Variants in CNTN5 observed in about 807,000 individuals in gnomAD.
The protein encoded by CNTN5 is contactin-5.
Under a neutral mutation model 129.1 loss-of-function variants are expected in CNTN5, and 77 were observed. That is an observed-to-expected ratio of 0.60 (90% CI 0.50 to 0.72). The LOEUF (loss-of-function observed/expected upper bound fraction) is 0.72. Among genes scored for constraint, CNTN5 ranks in the 30% least tolerant of loss-of-function variants. The pLI, the probability that CNTN5 is intolerant of heterozygous loss-of-function variation, is 0.00. For synonymous variants in CNTN5, 509 were observed against 465.6 expected, an observed-to-expected ratio of 1.09 and a Z score of -1.20; for missense variants, 1,478 against 1,328.8, an observed-to-expected ratio of 1.11 and a Z score of -1.75.
Position 99,673,971 on chromosome 11 carries a change from C to A in CNTN5, c.55+117702C>A, listed in dbSNP as rs372239740. Among the ~76,000 whole-genome samples the A allele has an allele frequency of 1.8e-4, 27 of 152,182 alleles. No homozygotes were observed. In the East Asian group the frequency reaches 3.1e-3, roughly 17 times the overall value. The stretch of plus-strand genomic sequence containing the variant: ...AATTTATATTCCTTTGGGTATATAT[C>A]CAATAATGGGCTTGCTGGGTCAAAT... On this transcript the variant is annotated intron_variant, in intron 3 of 24. Coordinates refer to ENST00000524871, the MANE Select transcript of CNTN5 (RefSeq NM_014361.4).
chr11:99,673,107 A>C (rs1953118222), intron 3 of CNTN5, among the ~76,000 whole-genome samples: 1 of 152,240 alleles, frequency 6.6e-6, no homozygotes, highest in Middle Eastern at 3.4e-3. Context: ...TCAGCTTATA[A>C]GTTTAGCTGC....
chr11:99,618,216 A>G (rs1362756968), intron 3 of CNTN5, among the ~76,000 whole-genome samples: 1 of 152,206 alleles, frequency 6.6e-6, no homozygotes, highest in Non-Finnish European at 1.5e-5. Flanking sequence ...TTAGATGTCA[A>G]ATTTCAGATT....
intron 2 of CNTN5, among the ~76,000 whole-genome samples, chr11:99,503,683 G>A (rs1591176243): frequency 6.6e-6 from 1 of 152,054 alleles, no homozygotes; most frequent in East Asian, 1.9e-4. Flanking sequence ...TAATAATACT[G>A]TTCCAGGCAT....
At chr11:99,799,639 G>T (rs986908967) in intron 3 of CNTN5, among the ~76,000 whole-genome samples, 4 of 151,938 alleles carry the variant, frequency 2.6e-5, no homozygotes, top group Non-Finnish European at 5.9e-5. Flanking sequence ...TGTAGGATTT[G>T]GTTTGCTAGT....
At chr11:99,073,374 G>GTTTTTTTTTTT (rs750531770) in intron 1 of CNTN5, among the ~76,000 whole-genome samples, 6 of 61,196 alleles carry the variant, frequency 9.8e-5, no homozygotes, top group Admixed American at 2.1e-4. Context: ...TTATGGTTTG[G>GTTTTTTTTTTT]TTTTTTTTTT....
chr11:99,392,772 T>A (rs970279058), intron 2 of CNTN5, among the ~76,000 whole-genome samples: 1 of 151,898 alleles, frequency 6.6e-6, no homozygotes, highest in Admixed American at 6.6e-5. Flanking sequence ...TGTTCACATT[T>A]TTCATTTTAA....
intron 3 of CNTN5, among the ~76,000 whole-genome samples, chr11:99,650,488 G>C (rs1952114183): frequency 6.6e-6 from 1 of 151,928 alleles, no homozygotes; most frequent in South Asian, 2.1e-4. Flanking sequence ...CTCTCAGCCA[G>C]ATAGCACCAT....
chr11:100,248,164 A>G, intron 16 of CNTN5, among the ~76,000 whole-genome samples: 1 of 152,230 alleles, frequency 6.6e-6, no homozygotes, highest in East Asian at 1.9e-4. Context: ...CAAAATTCTC[A>G]CTTTAATTTT....
At chr11:100,293,701 A>C (rs1419916506) in intron 18 of CNTN5, among the ~76,000 whole-genome samples, 1 of 151,794 alleles carries the variant, frequency 6.6e-6, no homozygotes, top group Non-Finnish European at 1.5e-5. Flanking sequence ...AGAGGGGTAG[A>C]ACTAGGATTC....
intron 10 of CNTN5, among the ~76,000 whole-genome samples, chr11:100,063,241 A>T (rs1338382025): frequency 6.6e-6 from 1 of 152,234 alleles, no homozygotes; most frequent in Admixed American, 6.5e-5. Flanking sequence ...ATGTAAAAAA[A>T]AAAATTGCTT....
intron 2 of CNTN5, among the ~76,000 whole-genome samples, chr11:99,478,553 G>A (rs1945468909): frequency 6.6e-6 from 1 of 152,042 alleles, no homozygotes; most frequent in African/African-American, 2.4e-5. Context: ...TCAGGAGGAG[G>A]GGATCTTTGA....
At chr11:100,127,683 A>AG (rs1376852105) in intron 13 of CNTN5, among the ~76,000 whole-genome samples, 3 of 95,646 alleles carry the variant, frequency 3.1e-5, no homozygotes, top group African/African-American at 1.3e-4. Flanking sequence ...TTTGAGATGG[A>AG]GTCTCTCTCT....
At chr11:99,375,464 TAGTATTGAGGAATGAAGCTTAATGAG>T (rs1940123319) in intron 2 of CNTN5, among the ~76,000 whole-genome samples, 1 of 152,012 alleles carries the variant, frequency 6.6e-6, no homozygotes, top group Admixed American at 6.6e-5. Flanking sequence ...AGTCAGGAGC[TAGTATTGAGGAATGAAGCTTAATGAG>T]ATGGAGTTTA....
chr11:99,418,101 A>G (rs962505451), intron 2 of CNTN5, among the ~76,000 whole-genome samples: 1 of 152,166 alleles, frequency 6.6e-6, no homozygotes, highest in Non-Finnish European at 1.5e-5. Context: ...ATACTGCTAG[A>G]AAAGTCAGCC....
chr11:99,894,958 C>T (rs1949166576), intron 6 of CNTN5, among the ~76,000 whole-genome samples: 1 of 152,180 alleles, frequency 6.6e-6, no homozygotes, highest in South Asian at 2.1e-4. Flanking sequence ...GAGTATTTTT[C>T]TTGACATGCC....
intron 2 of CNTN5, among the ~76,000 whole-genome samples, chr11:99,499,752 C>T (rs1051290988): frequency 2.0e-5 from 3 of 152,078 alleles, no homozygotes; most frequent in African/African-American, 7.2e-5. Flanking sequence ...CTTTTGCTGA[C>T]AATGAGATAT....
intron 2 of CNTN5, among the ~76,000 whole-genome samples, chr11:99,516,181 C>T (rs369481888): frequency 6.6e-6 from 1 of 151,984 alleles, no homozygotes; most frequent in Non-Finnish European, 1.5e-5. Flanking sequence ...TAAGTCCAAC[C>T]TGTCTTTTAT....
At chr11:100,001,958 C>T in intron 8 of CNTN5, 76 bp from the exon 9 acceptor site, 1 of 1,038,268 alleles carries the variant, frequency 9.6e-7, no homozygotes. Flanking sequence ...CAGTGATTTT[C>T]AATGTAACAT....
chr11:99,180,115 T>TA (rs1456194086), intron 1 of CNTN5, among the ~76,000 whole-genome samples: 1 of 151,940 alleles, frequency 6.6e-6, no homozygotes, highest in Admixed American at 6.6e-5. Context: ...CCTTAAAGGG[T>TA]AAAAAACCTT....
Sources: gnomAD v4.1 joint callset for allele counts (sites outside exome capture counted in the v4.1 genomes callset) on GRCh38, gnomAD v4.1.1 for gene constraint, MANE v1.5 for transcripts, NCBI Gene and HGNC (gene_info 2026-07-23, HGNC 2026-07-21) for gene names.